Variants in AMD1 observed in about 807,000 individuals in gnomAD.
The protein encoded by AMD1 is S-adenosylmethionine decarboxylase proenzyme.
A neutral mutation model predicts 40.2 loss-of-function variants in AMD1; 11 were observed. That is an observed-to-expected ratio of 0.27 (90% CI 0.17 to 0.45). AMD1 has a LOEUF of 0.45. AMD1 is among the 20% of genes least tolerant of loss of function. The pLI is 1.00. For missense variants in AMD1, 257 were observed against 410.2 expected (o/e 0.63, Z 3.23); for synonymous variants, 121 against 130.8 (o/e 0.93, Z 0.51).
At chr6:110,827,254 T>C in the AMD1 span, among the ~76,000 whole-genome samples, 1 of 151,962 alleles carries the variant, frequency 6.6e-6, no homozygotes, top group Non-Finnish European at 1.5e-5. Flanking sequence ...ATCTTTGATA[T>C]CCATGGACAG....
chr6:110,837,713 G>GA, the AMD1 span, among the ~76,000 whole-genome samples: 1 of 19,914 alleles, frequency 5.0e-5, no homozygotes, highest in African/African-American at 1.9e-4. Context: ...CTCCATCTCA[G>GA]AAAAAAAAAA....
At chr6:110,871,158 G>T (rs988341583), upstream of AMD1, among the ~76,000 whole-genome samples, 6 of 152,220 alleles carry the variant, frequency 3.9e-5, no homozygotes, top group Admixed American at 3.3e-4. Context: ...GGGTTTGAAG[G>T]CCAGGGTAAG....
At chr6:110,848,586 T>C in the AMD1 span, 1 of 503,808 alleles carries the variant, frequency 2.0e-6, no homozygotes, top group Non-Finnish European at 3.2e-6. Context: ...GGACAAAGAC[T>C]TTAGGAAAGG....
intron 1 of AMD1, among the ~76,000 whole-genome samples, chr6:110,879,285 T>A (rs999462518): frequency 2.6e-5 from 4 of 152,164 alleles, no homozygotes; most frequent in Non-Finnish European, 5.9e-5. Context: ...CATTGGGGGA[T>A]CGAGGCTGCA....
At chr6:110,847,714 T>C in the AMD1 span, among the ~76,000 whole-genome samples, 2 of 142,686 alleles carry the variant, frequency 1.4e-5, 1 homozygote, top group African/African-American at 5.1e-5. Flanking sequence ...TTTTGTTTTT[T>C]GTTTTTTGTT....
the AMD1 span, among the ~76,000 whole-genome samples, chr6:110,819,706 A>G: frequency 6.6e-6 from 1 of 152,194 alleles, no homozygotes; most frequent in African/African-American, 2.4e-5. Flanking sequence ...AGGGTAGAAT[A>G]AGGCTGAGAC....
chr6:110,883,710 G>A (rs1785526528), intron 1 of AMD1, among the ~76,000 whole-genome samples: 1 of 152,070 alleles, frequency 6.6e-6, no homozygotes, highest in African/African-American at 2.4e-5. Context: ...TCCCGCCGCA[G>A]CCACCCAAGT....
chr6:110,868,382 C>T, the AMD1 span, among the ~76,000 whole-genome samples: 17 of 152,058 alleles, frequency 1.1e-4, no homozygotes, highest in African/African-American at 3.4e-4. Context: ...ATCTCCTGAC[C>T]TCATGATCTG....
intron 8 of AMD1, 71 bp downstream of exon 8, chr6:110,893,136 C>T (rs1786125286): frequency 7.4e-7 from 1 of 1,346,244 alleles, no homozygotes; most frequent in Non-Finnish European, 1.0e-6. Flanking sequence ...GACAGTGAGG[C>T]CTAAGATGTA....
the AMD1 span, among the ~76,000 whole-genome samples, chr6:110,816,819 G>T: frequency 6.6e-6 from 1 of 152,126 alleles, no homozygotes. Flanking sequence ...CAACTCCTGA[G>T]CTCAAGGATC....
the AMD1 span, among the ~76,000 whole-genome samples, chr6:110,829,559 C>T: frequency 2.0e-5 from 3 of 151,682 alleles, no homozygotes; most frequent in African/African-American, 7.3e-5. Context: ...GTCCCAGCTA[C>T]TCGGGAGGCT....
rs377343561 is a variant in AMD1 at position 110,892,748 on chromosome 6, G to C, written c.629G>C (p.Arg210Pro). ...AKDVTRESGI[R>P]DLIPGSVIDA... ...TTCCCCCCCCAGGAGAGTGGAATTC[G>C]TGACCTGATACCAGGTTCTGTCATT... The change falls in exon 7 of 9, where the codon CGT becomes CCT. Residue 210 changes from arginine to proline, a missense_variant. Arg to Pro is a moderately radical substitution (Grantham distance 103, BLOSUM62 -2). This residue lies in a region of AMD1 where 192 missense variants were observed against 296.5 expected (regional missense o/e 0.65). Transcript: ENST00000368885. 1 of 1,612,462 alleles carries C rather than the reference G, an allele frequency of 6.2e-7. No individual in the cohort carries two copies.
intron 1 of AMD1, among the ~76,000 whole-genome samples, chr6:110,886,371 C>T (rs1422893092): frequency 6.6e-6 from 1 of 152,114 alleles, no homozygotes; most frequent in African/African-American, 2.4e-5. Flanking sequence ...GAGCTTAAGC[C>T]ATCCCAATCC....
chr6:110,838,625 G>A, the AMD1 span, among the ~76,000 whole-genome samples: 5 of 151,930 alleles, frequency 3.3e-5, no homozygotes, highest in Non-Finnish European at 7.4e-5. Flanking sequence ...TTGGGAGGCC[G>A]AGGTGGGTGG....
intron 2 of AMD1, chr6:110,888,205 T>G (rs2115302761): frequency 6.6e-6 from 1 of 152,362 alleles, no homozygotes; most frequent in African/African-American, 2.4e-5. Flanking sequence ...ATATAAAAGC[T>G]CATCACCTTT....
At chr6:110,834,639 A>C in the AMD1 span, among the ~76,000 whole-genome samples, 3 of 152,116 alleles carry the variant, frequency 2.0e-5, no homozygotes, top group East Asian at 5.8e-4. Context: ...TTTGGGCAAC[A>C]TAGTGAGATC....
intron 3 of AMD1, 121 bp downstream of exon 3, chr6:110,889,104 G>A: frequency 1.6e-6 from 2 of 1,213,548 alleles, no homozygotes; most frequent in Non-Finnish European, 2.2e-6. Context: ...CAAACACGTG[G>A]TAAGGTGTTC....
At chr6:110,824,313 C>T in the AMD1 span, among the ~76,000 whole-genome samples, 5 of 152,238 alleles carry the variant, frequency 3.3e-5, no homozygotes, top group East Asian at 9.6e-4. Context: ...AGTGAAGTAA[C>T]TCAGGAATGG....
chr6:110,814,832 C>T, the AMD1 span: 8 of 825,906 alleles, frequency 9.7e-6, no homozygotes, highest in Admixed American at 4.4e-5. Context: ...GACGGGGCCG[C>T]GCGGGGGAGG....
Sources: allele counts gnomAD v4.1 joint callset (sites outside exome capture counted in the v4.1 genomes callset), GRCh38; gene constraint gnomAD v4.1.1; regional missense constraint gnomAD v4.1.1; transcripts MANE v1.5; gene names NCBI Gene and HGNC (gene_info 2026-07-23, HGNC 2026-07-21).